KEAP1: variants seen among roughly 807,000 people sequenced by gnomAD.
KEAP1 encodes the protein kelch-like ECH-associated protein 1.
KEAP1 carries 26 observed loss-of-function variants against 59.7 expected under a neutral mutation model. The ratio of observed to expected loss-of-function variants is 0.44; its 90% CI spans 0.32 to 0.60. The LOEUF (loss-of-function observed/expected upper bound fraction) is 0.60, where lower values mean the gene tolerates loss of function less well. Among genes scored for constraint, KEAP1 ranks in the 20% least tolerant of loss-of-function variants. The pLI is 0.06. For synonymous variants in KEAP1, 350 were observed against 358.3 expected (o/e 0.98, Z 0.26); for missense variants, 539 against 871.4 (o/e 0.62, Z 4.80).
chr19:10,497,817 C>A (rs1443065292), intron 2 of KEAP1, among the ~76,000 whole-genome samples: 1 of 152,170 alleles, frequency 6.6e-6, no homozygotes, highest in Non-Finnish European at 1.5e-5. Flanking sequence ...CTCCTTGAGC[C>A]CAAGAGTTGG....
intron 5 of KEAP1, among the ~76,000 whole-genome samples, chr19:10,487,866 CA>C (rs1334243004): frequency 6.6e-6 from 1 of 150,632 alleles, no homozygotes; most frequent in Non-Finnish European, 1.5e-5. Context: ...TGGTGGCTCA[CA>C]CCTGTAATCC....
chr19:10,498,128 G>A (rs1914912779), intron 2 of KEAP1, among the ~76,000 whole-genome samples: 1 of 151,352 alleles, frequency 6.6e-6, no homozygotes. Context: ...TTGAACTCCC[G>A]ACCGCAGGTG....
Position 10,491,477 on chromosome 19 carries a change from G to A in KEAP1, c.1325+100C>T. ...CTGAGGCCTCCACTCCCTGAAGACA[G>A]GAAGAGGAAACAGCCTCAGGAAGAA... is the stretch of plus-strand genomic sequence containing the variant. On this transcript the variant is annotated intron_variant, in intron 3 of 5. Coordinates refer to ENST00000171111, the MANE Select transcript of KEAP1 (RefSeq NM_203500.2). This position sits in a 1 kb window ranked among gnomAD's most constrained non-coding sequence, Gnocchi z 5.2. 6 of 1,051,042 alleles carry A rather than the reference G, an allele frequency of 5.7e-6. No individual in the cohort carries two copies. The highest frequency in any genetic ancestry group is 7.8e-6 in the Non-Finnish European group (6 of 766,264). 65.1% of individuals were successfully genotyped at this position (1,051,042 alleles called of 1,614,324 possible).
chr19:10,492,488 G>C, intron 2 of KEAP1: 1 of 532,040 alleles, frequency 1.9e-6, no homozygotes, highest in South Asian at 2.1e-5. Flanking sequence ...GGAGGCCGAG[G>C]CTGGCGGATC....
chr19:10,498,268 C>T (rs911782929), intron 2 of KEAP1, among the ~76,000 whole-genome samples: 166 of 147,260 alleles, frequency 1.1e-3, no homozygotes, highest in African/African-American at 3.9e-3. Flanking sequence ...GGTGCGATCT[C>T]GGCTCACTGC....
chr19:10,489,284 A>T lies in KEAP1; in HGVS notation c.1616T>A (p.Val539Glu), dbSNP rs1914586853. Residue 539 changes from valine (V) to glutamate (E), a missense_variant, in exon 5 of 6, where the codon GTG (valine) becomes GAG (glutamate). By Grantham distance (121) the Val-to-Glu change is moderately radical. Around this residue, in one of 4 missense-constraint regions of KEAP1, gnomAD observed 311 missense variants for 425.2 expected, o/e 0.73. Coordinates refer to ENST00000171111, the MANE Select transcript of KEAP1 (RefSeq NM_203500.2). Reference sequence around the variant, plus strand: ...TACGAAAGTCCACGTCTCTGTTTCCACATCGTAGCGCTCCACGCTGTTCAG... The same window carrying T: ...TACGAAAGTCCACGTCTCTGTTTCCTCATCGTAGCGCTCCACGCTGTTCAG... ...DQLNSVERYD[V>E]ETETWTFVAP... 2 of 1,613,762 alleles carry T rather than the reference A, an allele frequency of 1.2e-6. No homozygotes were observed. Among genetic ancestry groups the T allele is most frequent in the Admixed American group, 1.7e-5 (1 of 59,940 alleles).
rs1421048275 is a variant in KEAP1, at chr19:10,492,145, C to T, written c.757G>A (p.Val253Ile). 1 of 1,614,026 alleles carries T rather than the reference C, an allele frequency of 6.2e-7. No individual in the cohort carries two copies. Among genetic ancestry groups the T allele is most frequent in the Non-Finnish European group, 8.5e-7 (1 of 1,180,032 alleles). The change falls in exon 3 of 6, where the codon GTC (valine) becomes ATC (isoleucine). Residue 253 changes from valine (V) to isoleucine (I), a missense_variant. By Grantham distance (29) the Val-to-Ile change is conservative. Transcript: ENST00000171111. ...CGTCGCTGTTCGCAGTCGTACTTGA[C>T]CCAGTTGATGCAGGCGTGGAAGACC... ...SEVFHACINW[V>I]KYDCEQRRFY...
rs2144604169 is a variant in KEAP1, at chr19:10,492,160, C to T, written c.742G>A (p.Ala248Thr). The T allele has an allele frequency of 6.2e-7, 1 of 1,614,054 alleles. No homozygotes were observed. Among genetic ancestry groups the T allele is most frequent in the Non-Finnish European group, 8.5e-7 (1 of 1,180,034 alleles). ...TCGTACTTGACCCAGTTGATGCAGG[C>T]GTGGAAGACCTCGGACTCGCAGCGC... is the stretch of plus-strand genomic sequence containing the variant. ...NVRCESEVFHACINWVKYDCE... is the reference protein window; with the variant it reads ...NVRCESEVFHTCINWVKYDCE... The change falls in exon 3 of 6, where the codon GCC becomes ACC. Residue 248 changes from alanine to threonine, a missense_variant. Physicochemically the swap from Ala to Thr is moderately conservative, Grantham distance 58. Transcript: ENST00000171111.
chr19:10,486,711 C>T lies in KEAP1; in HGVS notation c.1816G>A (p.Val606Met), dbSNP rs150193881. ...CGGCAGGGCTCCATGGTGACAGCCA[C>T]GCCCACCCCACTCCGGCCCGATGTC... ...RMTSGRSGVG[V>M]AVTMEPCRKQ... is the part of the protein sequence containing the mutation. Residue 606 changes from valine (V) to methionine (M), a missense_variant, in exon 6 of 6, where the codon GTG becomes ATG. Around this residue, in one of 4 missense-constraint regions of KEAP1, gnomAD observed 311 missense variants for 425.2 expected, o/e 0.73. Transcript: ENST00000171111. 5 of 1,614,000 alleles carry T rather than the reference C, an allele frequency of 3.1e-6. No homozygotes were observed. The highest frequency in any genetic ancestry group is 1.3e-5 in the African/African-American group (1 of 74,904).
intron 1 of KEAP1, among the ~76,000 whole-genome samples, chr19:10,501,225 G>A (rs971260252): frequency 6.6e-6 from 1 of 152,098 alleles, no homozygotes; most frequent in African/African-American, 2.4e-5. Flanking sequence ...AGGGCCAGGA[G>A]ATGAGTTATG....
At chr19:10,486,907 C>A (rs985151434) in intron 5 of KEAP1, 89 bp from the exon 6 acceptor site, 8 of 1,403,738 alleles carry the variant, frequency 5.7e-6, no homozygotes, top group Non-Finnish European at 7.8e-6. Context: ...CTGTGAGATG[C>A]AAAAGCAGGC....
In KEAP1 at chr19:10,491,655, A is replaced by T. The variant is rs2144597010; in HGVS notation, c.1247T>A (p.Ile416Asn). The T allele has an allele frequency of 6.3e-7, 1 of 1,591,542 alleles. No individual in the cohort carries two copies. The highest frequency in any genetic ancestry group is 2.2e-5 in the East Asian group (1 of 44,680). The part of the protein sequence containing the change: ...CAPMSVPRNR[I>N]GVGVIDGHIY... The stretch of plus-strand genomic sequence containing the variant: ...GTGGCCATCGATGACCCCCACCCCG[A>T]TGCGGTTACGGGGCACGCTCATGGG... Residue 416 changes from isoleucine (I) to asparagine (N), a missense_variant, in exon 3 of 6, where the codon ATC becomes AAC. Physicochemically the swap from Ile to Asn is moderately radical, Grantham distance 149. This residue lies in a region of KEAP1 where 311 missense variants were observed against 425.2 expected (regional missense o/e 0.73). Coordinates refer to ENST00000171111, the MANE Select transcript of KEAP1 (RefSeq NM_203500.2). The surrounding 1 kb of genome is among the most constrained non-coding windows in gnomAD (Gnocchi z 5.2).
In KEAP1 at chr19:10,502,836, C is replaced by T. The variant is rs1481174192; in HGVS notation, c.-48+405G>A. ...GCGCCCGCCGTGTCACAATAAAAGT[C>T]CCCGGGCCCTGGCCTCAGGCGGTAG... On this transcript the variant is annotated intron_variant, in intron 1 of 5. Transcript: ENST00000171111. The surrounding 1 kb of genome is among the most constrained non-coding windows in gnomAD (Gnocchi z 4.0). The T allele has an allele frequency of 6.6e-6, 1 of 152,102 alleles. No homozygotes were observed. Among genetic ancestry groups the T allele is most frequent in the Non-Finnish European group, 1.5e-5 (1 of 68,022 alleles). The allele number at this position is 152,102 out of a possible 1,614,324, so 9.4% of individuals were successfully genotyped here.
At position 10,491,657 on chromosome 19, in the gene KEAP1, G is replaced by A. The variant is rs2144597027; in HGVS notation, c.1245C>T (p.Arg415=). ...PCAPMSVPRN[R]IGVGVIDGHI... ...GGCCATCGATGACCCCCACCCCGAT[G>A]CGGTTACGGGGCACGCTCATGGGGG... The change falls in exon 3 of 6, where the codon CGC becomes CGT. Residue 415 remains arginine, a synonymous_variant. Transcript: ENST00000171111. The surrounding 1 kb of genome is among the most constrained non-coding windows in gnomAD (Gnocchi z 5.2). The A allele has an allele frequency of 6.3e-7, 1 of 1,590,230 alleles. No individual in the cohort carries two copies. Among genetic ancestry groups the A allele is most frequent in the Non-Finnish European group, 8.6e-7 (1 of 1,169,480 alleles).
chr19:10,495,358 A>G (rs908576086), intron 2 of KEAP1, among the ~76,000 whole-genome samples: 1 of 152,134 alleles, frequency 6.6e-6, no homozygotes, highest in African/African-American at 2.4e-5. Flanking sequence ...ATAGACTAAA[A>G]AAGGAAAAAA....
At position 10,489,829 on chromosome 19, in the gene KEAP1, C is replaced by A. The variant is rs2144591227; in HGVS notation, c.1350G>T (p.Trp450Cys). The A allele has an allele frequency of 6.2e-7, 1 of 1,613,946 alleles. No individual in the cohort carries two copies. Among genetic ancestry groups the A allele is most frequent in the Non-Finnish European group, 8.5e-7 (1 of 1,179,964 alleles). Reference sequence around the variant, plus strand: ...GTGTCAGCATTGGGGCCACCAAGTGCCACTCATCCCGCTCTGGCTCATACC... The same window carrying A: ...GTGTCAGCATTGGGGCCACCAAGTGACACTCATCCCGCTCTGGCTCATACC... The part of the protein sequence containing the change: ...VERYEPERDE[W>C]HLVAPMLTRR... Residue 450 changes from tryptophan (W) to cysteine (C), a missense_variant, in exon 4 of 6, where the codon TGG becomes TGT. Trp to Cys is a radical substitution (Grantham distance 215, BLOSUM62 -2). Around this residue, in one of 4 missense-constraint regions of KEAP1, gnomAD observed 311 missense variants for 425.2 expected, o/e 0.73. Coordinates refer to ENST00000171111, the MANE Select transcript of KEAP1 (RefSeq NM_203500.2).
At chr19:10,489,052 A>T in intron 5 of KEAP1, 140 bp downstream of exon 5, 1 of 718,122 alleles carries the variant, frequency 1.4e-6, no homozygotes, top group Non-Finnish European at 2.2e-6. Context: ...CTGTGATCAC[A>T]CCACTGCACT....
At chr19:10,497,233 G>A (rs191069836) in intron 2 of KEAP1, among the ~76,000 whole-genome samples, 207 of 152,164 alleles carry the variant, frequency 1.4e-3, no homozygotes, top group Non-Finnish European at 2.4e-3. Flanking sequence ...TTCTCCTACT[G>A]TATAGACCAC....
intron 2 of KEAP1, among the ~76,000 whole-genome samples, chr19:10,495,025 C>T (rs1166575027): frequency 4.6e-5 from 7 of 151,276 alleles, no homozygotes; most frequent in South Asian, 4.2e-4. Context: ...GGCGTGATCT[C>T]GGCTCACTGC....
Sources: allele counts gnomAD v4.1 joint callset (sites outside exome capture counted in the v4.1 genomes callset), GRCh38; gene constraint gnomAD v4.1.1; regional missense constraint gnomAD v4.1.1; non-coding constraint Gnocchi (gnomAD v3.1); transcripts MANE v1.5; gene names NCBI Gene and HGNC (gene_info 2026-07-23, HGNC 2026-07-21).